HECW1: variants seen among roughly 807,000 people sequenced by gnomAD.
HECW1 encodes E3 ubiquitin-protein ligase HECW1.
HECW1 carries 61 observed loss-of-function variants against 182.3 expected under a neutral mutation model. The ratio of observed to expected loss-of-function variants is 0.33; its 90% CI spans 0.27 to 0.41. HECW1 has a LOEUF of 0.41. HECW1 is among the 10% of genes least tolerant of loss of function. The probability of loss-of-function intolerance (pLI) is 1.00; values close to 1 mark genes in which losing one functional copy is unlikely to be tolerated. For synonymous variants in HECW1, 859 were observed against 832.6 expected, an observed-to-expected ratio of 1.03 and a Z score of -0.55; for missense variants, 1,739 against 2,108.9, an observed-to-expected ratio of 0.82 and a Z score of 3.44.
At chr7:43,355,288 T>G (rs1584600575) in intron 5 of HECW1, among the ~76,000 whole-genome samples, 1 of 152,218 alleles carries the variant, frequency 6.6e-6, no homozygotes, top group East Asian at 1.9e-4. Flanking sequence ...CAGGATACTC[T>G]AATACTGTAA....
chr7:43,178,775 A>G (rs1049011700), intron 2 of HECW1, among the ~76,000 whole-genome samples: 17 of 152,224 alleles, frequency 1.1e-4, no homozygotes, highest in African/African-American at 3.1e-4. Flanking sequence ...ACTGTGGTTC[A>G]CTACCAGAGC....
intron 1 of HECW1, 199 bp from the exon 2 acceptor site, chr7:43,113,958 C>T (rs1233123594): frequency 6.4e-6 from 2 of 311,840 alleles, no homozygotes; most frequent in Non-Finnish European, 1.2e-5. Context: ...GGGACACAGG[C>T]TGCAGAGATG....
At chr7:43,220,964 A>G (rs1796888291) in intron 2 of HECW1, among the ~76,000 whole-genome samples, 1 of 152,214 alleles carries the variant, frequency 6.6e-6, no homozygotes, top group African/African-American at 2.4e-5. Context: ...TTAGAAATGC[A>G]TATTCATGAT....
intron 2 of HECW1, among the ~76,000 whole-genome samples, chr7:43,225,615 C>T (rs1299239997): frequency 6.6e-6 from 1 of 151,898 alleles, no homozygotes; most frequent in East Asian, 1.9e-4. Flanking sequence ...AGGTAAGTAT[C>T]CCAAATAAGA....
intron 29 of HECW1, among the ~76,000 whole-genome samples, chr7:43,558,882 G>C (rs940022244): frequency 6.6e-6 from 1 of 152,206 alleles, no homozygotes; most frequent in Non-Finnish European, 1.5e-5. Flanking sequence ...TAGGGATCAA[G>C]AGGTTATTGG....
At chr7:43,317,595 A>G (rs893534031) in intron 4 of HECW1, among the ~76,000 whole-genome samples, 3 of 152,268 alleles carry the variant, frequency 2.0e-5, no homozygotes, top group Admixed American at 2.0e-4. Context: ...AAGACTAGTA[A>G]CTTTTCTAAC....
intron 12 of HECW1, 54 bp from the exon 13 acceptor site, chr7:43,456,243 G>C: frequency 1.9e-6 from 3 of 1,542,832 alleles, no homozygotes; most frequent in Non-Finnish European, 2.7e-6. Flanking sequence ...TGTGTTTCAC[G>C]TGGGTCAGTA....
intron 6 of HECW1, among the ~76,000 whole-genome samples, chr7:43,387,728 A>G (rs2074855404): frequency 6.6e-6 from 1 of 152,206 alleles, no homozygotes; most frequent in African/African-American, 2.4e-5. Context: ...TTTCTCCTCC[A>G]CAGTGAATGG....
At chr7:43,148,827 A>G (rs182887131) in intron 2 of HECW1, 8 of 151,918 alleles carry the variant, frequency 5.3e-5, no homozygotes, top group African/African-American at 1.7e-4. Flanking sequence ...ATTCTGATCT[A>G]GTAGGTCTGG....
chr7:43,459,079 A>ATGCCTCCCACC (rs201081033), intron 13 of HECW1, among the ~76,000 whole-genome samples: 1,727 of 152,158 alleles, frequency 0.011, 31 homozygotes, highest in African/African-American at 0.039. Flanking sequence ...TGGCAGGAAA[A>ATGCCTCCCACC]TGCCTCCCAC....
Position 43,445,275 on chromosome 7 carries a change from G to T in HECW1, c.2103G>T (p.Ser701=), listed in dbSNP as rs747334643. Residue 701 remains serine (S), a synonymous_variant, in exon 11 of 30, where the codon TCG becomes TCT. Transcript: ENST00000395891. ...SCYSSSCYSA[S]CYSPSCYNGN... ...ACAGCAGCTCGTGCTACAGCGCCTC[G>T]TGCTACAGCCCCTCCTGCTACAACG... The T allele has an allele frequency of 6.2e-7, 1 of 1,612,856 alleles. No individual in the cohort carries two copies. Among genetic ancestry groups the T allele is most frequent in the Admixed American group, 1.7e-5 (1 of 60,032 alleles).
chr7:43,247,469 C>T (rs748436910), intron 3 of HECW1, among the ~76,000 whole-genome samples: 13 of 152,122 alleles, frequency 8.5e-5, no homozygotes, highest in Non-Finnish European at 1.6e-4. Context: ...CATGGTGAGA[C>T]CCCATCTCTA....
At chr7:43,443,007 A>C (rs182205817) in intron 10 of HECW1, among the ~76,000 whole-genome samples, 1 of 152,400 alleles carries the variant, frequency 6.6e-6, no homozygotes, top group African/African-American at 2.4e-5. Flanking sequence ...AACTAGATAT[A>C]GACTAGCCAG....
chr7:43,321,184 C>T (rs1215009990), intron 5 of HECW1, among the ~76,000 whole-genome samples: 2 of 152,144 alleles, frequency 1.3e-5, no homozygotes, highest in East Asian at 1.9e-4. Context: ...AGTGATTTTC[C>T]ACATTTTGCT....
intron 6 of HECW1, among the ~76,000 whole-genome samples, chr7:43,363,224 T>A (rs1410459524): frequency 6.6e-6 from 1 of 152,144 alleles, no homozygotes; most frequent in Admixed American, 6.5e-5. Flanking sequence ...TAGGGCAGGA[T>A]AAATTTTCAA....
intron 2 of HECW1, among the ~76,000 whole-genome samples, chr7:43,125,757 T>TA (rs57874835): frequency 0.21 from 18,258 of 86,146 alleles, 2,318 homozygotes; most frequent in Middle Eastern, 0.36. Context: ...GATTCTGTCT[T>TA]AAAAAAAAAA....
intron 24 of HECW1, among the ~76,000 whole-genome samples, chr7:43,521,609 G>A (rs932453112): frequency 6.6e-6 from 1 of 152,112 alleles, no homozygotes. Context: ...GGCAAGGAAA[G>A]TCATGCCTGT....
Position 43,156,502 on chromosome 7 carries a change from G to A in HECW1, c.-32+42111G>A, listed in dbSNP as rs141444188. Among the ~76,000 whole-genome samples the A allele has an allele frequency of 1.0e-2, 1,516 of 152,250 alleles. 27 individuals are homozygous for A. Among genetic ancestry groups the A allele is most frequent in the African/African-American group, 0.035 (1,435 of 41,548 alleles). On this transcript the variant is annotated intron_variant, in intron 2 of 29. Transcript: ENST00000395891. ...AATGAAATAAAATTAATATTTCAGC[G>A]ATAACACAACTGCAACCTCAAAATG...
intron 13 of HECW1, among the ~76,000 whole-genome samples, chr7:43,458,557 T>C (rs2196148): frequency 0.033 from 5,050 of 152,242 alleles, 275 homozygotes; most frequent in African/African-American, 0.12. Flanking sequence ...TCTGGACAGA[T>C]AAAAAGAAAA....
Sources: gnomAD v4.1 joint callset for allele counts (sites outside exome capture counted in the v4.1 genomes callset) on GRCh38, gnomAD v4.1.1 for gene constraint, MANE v1.5 for transcripts, NCBI Gene and HGNC (gene_info 2026-07-23, HGNC 2026-07-21) for gene names.